RIPK1: variants seen among roughly 807,000 people sequenced by gnomAD.
RIPK1 encodes the protein receptor interacting serine/threonine kinase 1, also known as receptor-interacting serine/threonine-protein kinase 1.
A neutral mutation model predicts 62.4 loss-of-function variants in RIPK1; 27 were observed. The ratio of observed to expected loss-of-function variants is 0.43; its 90% confidence interval spans 0.32 to 0.60. RIPK1 has a LOEUF of 0.60. Among genes scored for constraint, RIPK1 ranks in the 20% least tolerant of loss-of-function variants. The pLI, the probability that RIPK1 is intolerant of heterozygous loss-of-function variation, is 0.07. For missense variants in RIPK1, 735 were observed against 831.0 expected, an observed-to-expected ratio of 0.88 and a Z score of 1.42; for synonymous variants, 287 against 303.2, an observed-to-expected ratio of 0.95 and a Z score of 0.55.
At chr6:3,111,911 C>T (rs1457699335) in intron 10 of RIPK1, among the ~76,000 whole-genome samples, 1 of 152,070 alleles carries the variant, frequency 6.6e-6, no homozygotes, top group African/African-American at 2.4e-5. Context: ...AGAGAGAGAG[C>T]CACATCACAG....
intron 7 of RIPK1, among the ~76,000 whole-genome samples, chr6:3,099,029 AATCC>A (rs1760463785): frequency 6.6e-6 from 1 of 152,222 alleles, no homozygotes; most frequent in Non-Finnish European, 1.5e-5. Context: ...CAGGGCAGCA[AATCC>A]CTCCTTGAGG....
At chr6:3,095,869 A>C (rs1376268569) in intron 7 of RIPK1, among the ~76,000 whole-genome samples, 1 of 148,864 alleles carries the variant, frequency 6.7e-6, no homozygotes, top group Non-Finnish European at 1.5e-5. Flanking sequence ...TTTTGAGGCA[A>C]GGTCTTACTC....
intron 9 of RIPK1, among the ~76,000 whole-genome samples, chr6:3,110,204 A>ATTTT (rs3082523): frequency 1.0e-5 from 1 of 98,460 alleles, no homozygotes; most frequent in African/African-American, 3.4e-5. Context: ...AAGAATCACG[A>ATTTT]TTTTTTTTTT....
At chr6:3,094,607 A>G (rs1416216294) in intron 7 of RIPK1, among the ~76,000 whole-genome samples, 1 of 150,288 alleles carries the variant, frequency 6.7e-6, no homozygotes, top group Non-Finnish European at 1.5e-5. Flanking sequence ...ATATGAAGAA[A>G]GGCTGAAAAT....
Position 3,083,105 on chromosome 6 carries a change from C to G in RIPK1, c.480C>G (p.Ala160=). 1 of 1,613,986 alleles carries G rather than the reference C, an allele frequency of 6.2e-7. No individual in the cohort carries two copies. The highest frequency in any genetic ancestry group is 8.5e-7 in the Non-Finnish European group (1 of 1,179,896). Residue 160 remains alanine, a synonymous_variant, in exon 5 of 11, where the codon GCC becomes GCG. Transcript: ENST00000259808. ...FHIKIADLGL[A]SFKMWSKLNN... is the part of the protein sequence containing the mutation. ...CGCAGATCGCAGACCTCGGCCTTGC[C>G]TCCTTTAAGATGTGGAGCAAACTGA... is the stretch of plus-strand genomic sequence containing the variant.
At chr6:3,094,089 C>G (rs13206433) in intron 7 of RIPK1, among the ~76,000 whole-genome samples, 2,973 of 95,814 alleles carry the variant, frequency 0.031, 571 homozygotes, top group African/African-American at 0.15. Flanking sequence ...GCGCCTACCT[C>G]CTGCACCTAG....
chr6:3,105,591 C>T lies in RIPK1; in HGVS notation c.1116C>T (p.Pro372=). The change falls in exon 9 of 11, where the codon CCC becomes CCT. Residue 372 remains proline, a synonymous_variant. Transcript: ENST00000259808. The surrounding 1 kb of genome is among the most constrained non-coding windows in gnomAD (Gnocchi z 4.5). The part of the protein sequence containing the change: ...SLEHPQEENE[P]SLQSKLQDEA... ...AGCACCCACAAGAAGAGAATGAGCC[C>T]AGCCTGCAGAGTAAACTCCAAGACG... 1 of 1,613,970 alleles carries T rather than the reference C, an allele frequency of 6.2e-7. No individual in the cohort carries two copies. Among genetic ancestry groups the T allele is most frequent in the Non-Finnish European group, 8.5e-7 (1 of 1,179,938 alleles).
chr6:3,108,528 C>T (rs996823041), intron 9 of RIPK1, among the ~76,000 whole-genome samples: 2 of 152,108 alleles, frequency 1.3e-5, no homozygotes, highest in South Asian at 2.1e-4. Context: ...CTGTGAGTGA[C>T]GAACACGGTG....
chr6:3,089,706 C>T (rs949090218), intron 7 of RIPK1, 49 bp downstream of exon 7: 1 of 996,964 alleles, frequency 1.0e-6, no homozygotes, highest in South Asian at 1.4e-5. Context: ...AAAATATATA[C>T]TGTCAATCAT....
chr6:3,101,595 G>C (rs1157722485), intron 7 of RIPK1, among the ~76,000 whole-genome samples: 3 of 141,560 alleles, frequency 2.1e-5, no homozygotes, highest in African/African-American at 9.5e-5. Context: ...TTATATAGCA[G>C]ACAATCGTTA....
intron 7 of RIPK1, among the ~76,000 whole-genome samples, chr6:3,096,877 T>C (rs1760343396): frequency 6.6e-6 from 1 of 151,376 alleles, no homozygotes; most frequent in African/African-American, 2.4e-5. Flanking sequence ...TGTTTTGTTT[T>C]GTTTTGTTTT....
In RIPK1 at chr6:3,077,854, C is replaced by T. The variant is rs370515307; in HGVS notation, c.240C>T (p.Gly80=). 282 of 1,614,100 alleles carry T rather than the reference C, an allele frequency of 1.7e-4. 1 individual carries two copies. Among genetic ancestry groups the T allele is most frequent in the Non-Finnish European group, 2.1e-4 (247 of 1,179,998 alleles). Residue 80 remains glycine (G), a synonymous_variant, in exon 3 of 11, where the codon GGC becomes GGT. Transcript: ENST00000259808. The part of the protein sequence containing the change: ...LRHSRVVKLL[G]VIIEEGKYSL... ...ACAGCCGGGTGGTGAAGCTCCTGGGCGTCATCATAGAGGAAGGGAAGTACT... is the reference window on the plus strand; with the variant it reads ...ACAGCCGGGTGGTGAAGCTCCTGGGTGTCATCATAGAGGAAGGGAAGTACT...
rs142994794 is a variant in RIPK1 at position 3,075,968 on chromosome 6, G to C, written c.-60-796G>C. 2.3e-3 allele frequency among the ~76,000 whole-genome samples: 356 copies of C among 152,098 alleles called. 1 individual carries two copies. The highest frequency in any genetic ancestry group is 8.4e-3 in the African/African-American group (347 of 41,492). On this transcript the variant is annotated intron_variant, in intron 1 of 10. Transcript: ENST00000259808. ...CATTGAGCAGTGCCGTGTTAAGGGG[G>C]GATTCTTCATTCTACCTTCTTTTCT...
intron 4 of RIPK1, among the ~76,000 whole-genome samples, chr6:3,081,721 G>A (rs1430236373): frequency 2.0e-5 from 3 of 151,946 alleles, no homozygotes; most frequent in East Asian, 1.9e-4. Context: ...TCAGCCGGGC[G>A]TGGTGGTGCA....
chr6:3,070,179 T>G (rs1489804523), intron 1 of RIPK1, among the ~76,000 whole-genome samples: 1 of 152,196 alleles, frequency 6.6e-6, no homozygotes, highest in Non-Finnish European at 1.5e-5. Flanking sequence ...ATACTGAGCC[T>G]CAGAGATATG....
At chr6:3,106,887 G>C (rs377506859) in intron 9 of RIPK1, among the ~76,000 whole-genome samples, 1 of 152,148 alleles carries the variant, frequency 6.6e-6, no homozygotes, top group African/African-American at 2.4e-5. Flanking sequence ...TCATGTTGGG[G>C]ATAAAATTTT....
intron 9 of RIPK1, 112 bp from the exon 10 acceptor site, chr6:3,110,691 A>G: frequency 3.2e-6 from 2 of 626,608 alleles, no homozygotes; most frequent in South Asian, 2.6e-5. Flanking sequence ...AAAGGGTGGC[A>G]TAGGATAATT....
rs182864791 is a variant in RIPK1 at position 3,075,051 on chromosome 6, G to A, written c.-60-1713G>A. Among the ~76,000 whole-genome samples, 511 of 152,264 alleles carry A rather than the reference G, an allele frequency of 3.4e-3. 2 individuals are homozygous for A. The highest frequency in any genetic ancestry group is 5.9e-3 in the Non-Finnish European group (400 of 68,002). Reference sequence around the variant, plus strand: ...TACTCTCAAAGCAAAACACAGACACGCACATTCACATGCACACACCAGTGT... The same window carrying A: ...TACTCTCAAAGCAAAACACAGACACACACATTCACATGCACACACCAGTGT... On this transcript the variant is annotated intron_variant, in intron 1 of 10. Coordinates refer to ENST00000259808, the MANE Select transcript of RIPK1 (RefSeq NM_001354930.2).
intron 6 of RIPK1, among the ~76,000 whole-genome samples, chr6:3,086,255 C>T (rs12191645): frequency 0.73 from 110,500 of 152,198 alleles, 45,891 homozygotes; most frequent in Non-Finnish European, 0.93. Flanking sequence ...TGTAAATATT[C>T]GTGGACATGT....
Sources: gnomAD v4.1 joint callset for allele counts (sites outside exome capture counted in the v4.1 genomes callset) on GRCh38, gnomAD v4.1.1 for gene constraint, Gnocchi (gnomAD v3.1) non-coding constraint, MANE v1.5 for transcripts, NCBI Gene and HGNC (gene_info 2026-07-23, HGNC 2026-07-21) for gene names.